The following PLA2G4E variants were observed in gnomAD, a reference collection of about 807,000 sequenced individuals.
PLA2G4E encodes the protein phospholipase A2 group IVE, also known as cytosolic phospholipase A2 epsilon.
PLA2G4E carries 84 observed loss-of-function variants against 109.1 expected under a neutral mutation model. The observed-to-expected ratio is 0.77, with a 90% CI of 0.65 to 0.92. The LOEUF (loss-of-function observed/expected upper bound fraction) is 0.92. Among genes scored for constraint, PLA2G4E ranks in the 40% least tolerant of loss-of-function variants. The probability of loss-of-function intolerance (pLI) is 0.00; values close to 1 mark genes in which losing one functional copy is unlikely to be tolerated. For missense variants in PLA2G4E, 1,057 were observed against 1,076.6 expected (o/e 0.98, Z 0.25); for synonymous variants, 469 against 436.1 (o/e 1.08, Z -0.94).
rs770576415 is a variant in PLA2G4E, at chr15:42,000,022, G to A, written c.853-22C>T. 3 of 1,596,566 alleles carry A rather than the reference G, an allele frequency of 1.9e-6. No individual in the cohort carries two copies. The African/African-American group carries it at 4.0e-5, about 21-fold the overall frequency. On this transcript the variant is annotated intron_variant, in intron 8 of 19. Coordinates refer to ENST00000399518, the Ensembl canonical transcript of PLA2G4E. ...AAAGCTGGAGGGATGGGTGGGTTCT[G>A]TGAGAGGGGCTGGGGAGCTCCTCTG...
exon 17 of PLA2G4E, chr15:41,987,230 C>T (rs567148385): frequency 6.2e-7 from 1 of 1,613,970 alleles, no homozygotes. Flanking sequence ...GCAGCCCAGA[C>T]AGGAAGTTGT....
chr15:41,984,205 G>C (rs530945170), intron 19 of PLA2G4E, among the ~76,000 whole-genome samples: 3 of 152,322 alleles, frequency 2.0e-5, no homozygotes, highest in African/African-American at 7.2e-5. Flanking sequence ...ACAGTACTGG[G>C]CACATGGCTG....
chr15:42,047,308 G>C (rs1469550574), intron 1 of PLA2G4E, among the ~76,000 whole-genome samples: 1 of 152,150 alleles, frequency 6.6e-6, no homozygotes, highest in Non-Finnish European at 1.5e-5. Flanking sequence ...CCAGAGGCTG[G>C]GAAGTCTAAG....
At position 42,009,939 on chromosome 15, in the gene PLA2G4E, C is replaced by T. The variant is rs2068515630; in HGVS notation, c.257-2074G>A. The T allele has an allele frequency of 1.3e-5, 3 of 233,976 alleles. 1 individual carries two copies. The highest frequency in any genetic ancestry group is 1.0e-4 in the South Asian group (2 of 19,138). 14.5% of individuals were successfully genotyped at this position (233,976 alleles called of 1,614,324 possible). On this transcript the variant is annotated intron_variant, in intron 2 of 19. Coordinates refer to ENST00000399518, the Ensembl canonical transcript of PLA2G4E. ...TCCTCTGTTCCTCTCCTGGGGAGCACCCCTATGCTGCTCTGCAACAACAGG... is the reference window on the plus strand; with the variant it reads ...TCCTCTGTTCCTCTCCTGGGGAGCATCCCTATGCTGCTCTGCAACAACAGG...
chr15:42,039,337 T>A (rs2141075646), intron 1 of PLA2G4E, among the ~76,000 whole-genome samples: 1 of 152,340 alleles, frequency 6.6e-6, no homozygotes, highest in East Asian at 1.9e-4. Context: ...GTAGAAATAT[T>A]AGTAAATAAT....
intron 1 of PLA2G4E, among the ~76,000 whole-genome samples, chr15:42,026,735 G>T (rs1276413707): frequency 6.6e-6 from 1 of 152,162 alleles, no homozygotes; most frequent in Non-Finnish European, 1.5e-5. Flanking sequence ...TACTGTGAGA[G>T]GCCGAGGTGG....
chr15:42,000,035 G>C, intron 8 of PLA2G4E, 35 bp from the exon 9 acceptor site: 1 of 1,586,794 alleles, frequency 6.3e-7, no homozygotes, highest in South Asian at 1.1e-5. Context: ...AGAGGGGCTG[G>C]GGAGCTCCTC....
chr15:42,005,088 C>G, intron 4 of PLA2G4E, 110 bp from the exon 5 acceptor site: 6 of 1,280,616 alleles, frequency 4.7e-6, no homozygotes, highest in Non-Finnish European at 6.7e-6. Flanking sequence ...GTCCTTCCCC[C>G]ACAGCTGCCT....
At chr15:42,050,578 C>T in exon 1 of PLA2G4E, 1 of 1,550,566 alleles carries the variant, frequency 6.4e-7, no homozygotes, top group Non-Finnish European at 8.7e-7. Context: ...TGTCCAGGTC[C>T]TGTGTATCCT....
At chr15:42,002,746 TTTC>T (rs990320905) in intron 5 of PLA2G4E, 50 bp from the exon 6 acceptor site, 1 of 1,480,186 alleles carries the variant, frequency 6.8e-7, no homozygotes, top group Non-Finnish European at 9.3e-7. Flanking sequence ...TCTTGACTGG[TTTC>T]TTCTAATGGC....
intron 1 of PLA2G4E, among the ~76,000 whole-genome samples, chr15:42,047,729 G>T (rs895498652): frequency 9.9e-5 from 15 of 152,056 alleles, no homozygotes; most frequent in Non-Finnish European, 2.2e-4. Context: ...CAGAGCTGGT[G>T]GTGACTCTTT....
intron 1 of PLA2G4E, among the ~76,000 whole-genome samples, chr15:42,023,921 G>T (rs1432445419): frequency 1.3e-5 from 2 of 152,176 alleles, no homozygotes; most frequent in Non-Finnish European, 2.9e-5. Context: ...CCTCTGTGGT[G>T]CCTCTGTCCC....
intron 1 of PLA2G4E, chr15:42,050,505 A>C: frequency 6.5e-7 from 1 of 1,546,018 alleles, no homozygotes; most frequent in South Asian, 1.2e-5. Context: ...CCCCCCTCCC[A>C]GGAACACAGA....
chr15:42,043,670 G>A (rs1889359341), intron 1 of PLA2G4E, among the ~76,000 whole-genome samples: 1 of 151,894 alleles, frequency 6.6e-6, no homozygotes, highest in Non-Finnish European at 1.5e-5. Context: ...AAATGTAGAG[G>A]AAAGAGCAGG....
chr15:41,994,552 C>G (rs954754053), intron 12 of PLA2G4E, among the ~76,000 whole-genome samples: 1 of 152,114 alleles, frequency 6.6e-6, no homozygotes, highest in Non-Finnish European at 1.5e-5. Context: ...TTTTTAAAGA[C>G]AAGTCCTCCC....
At chr15:42,040,838 G>A (rs986510731) in intron 1 of PLA2G4E, among the ~76,000 whole-genome samples, 2 of 152,188 alleles carry the variant, frequency 1.3e-5, no homozygotes, top group African/African-American at 4.8e-5. Context: ...TTGGTATGGT[G>A]TATAACTTGG....
chr15:42,002,762 C>T (rs970635141), intron 5 of PLA2G4E, 66 bp from the exon 6 acceptor site: 2 of 1,387,886 alleles, frequency 1.4e-6, no homozygotes, highest in African/African-American at 2.9e-5. Context: ...CTAATGGCGA[C>T]AAAGGGAATA....
chr15:42,028,475 C>T (rs1441286805), intron 1 of PLA2G4E, among the ~76,000 whole-genome samples: 1 of 151,856 alleles, frequency 6.6e-6, no homozygotes, highest in Non-Finnish European at 1.5e-5. Context: ...GGTGTAATCT[C>T]GGCTCACTGC....
Position 42,000,017 on chromosome 15 carries a change from G to C in PLA2G4E, c.853-17C>G, listed in dbSNP as rs748738636. ...GCAGCAAAGCTGGAGGGATGGGTGG[G>C]TTCTGTGAGAGGGGCTGGGGAGCTC... On this transcript the variant is annotated splice_polypyrimidine_tract_variant and intron_variant, in intron 8 of 19. Transcript: ENST00000399518. 2.5e-6 allele frequency: 4 copies of C among 1,599,402 alleles called. No homozygotes were observed. Among genetic ancestry groups the C allele is most frequent in the Non-Finnish European group, 3.4e-6 (4 of 1,173,354 alleles).
Sources: gnomAD v4.1 joint callset for allele counts (sites outside exome capture counted in the v4.1 genomes callset) on GRCh38, gnomAD v4.1.1 for gene constraint, MANE v1.5 for transcripts, NCBI Gene and HGNC (gene_info 2026-07-23, HGNC 2026-07-21) for gene names.